Variants in MET observed in about 807,000 individuals in gnomAD.
MET encodes the protein hepatocyte growth factor receptor.
Under a neutral mutation model 133.1 loss-of-function variants are expected in MET, and 48 were observed. That is an observed-to-expected ratio of 0.36 (90% CI 0.29 to 0.46). The LOEUF is 0.46. MET is among the 20% of genes least tolerant of loss of function. The pLI is 1.00. For synonymous variants in MET, 628 were observed against 616.5 expected (o/e 1.02, Z -0.28); for missense variants, 1,442 against 1,695.9 (o/e 0.85, Z 2.63).
intron 2 of MET, among the ~76,000 whole-genome samples, chr7:116,712,230 G>A (rs1792028626): frequency 6.6e-6 from 1 of 152,072 alleles, no homozygotes; most frequent in Non-Finnish European, 1.5e-5. Flanking sequence ...AAACTTCCAT[G>A]CTGGCATTTT....
At chr7:116,781,960 A>T (rs2117059151) in intron 17 of MET, 28 bp from the exon 18 acceptor site, 1 of 1,389,890 alleles carries the variant, frequency 7.2e-7, no homozygotes, top group Non-Finnish European at 1.0e-6. Context: ...TGCTTAGTTT[A>T]TGCTTTTCTA....
intron 1 of MET, among the ~76,000 whole-genome samples, chr7:116,681,543 C>T (rs1796359098): frequency 6.6e-6 from 1 of 152,128 alleles, no homozygotes; most frequent in Non-Finnish European, 1.5e-5. Flanking sequence ...AAAGTTCATA[C>T]TAGCATGGAT....
At position 116,783,532 on chromosome 7, in the gene MET, T is replaced by C. The variant is rs1026280249; in HGVS notation, c.3798+63T>C. 8.3e-6 allele frequency: 13 copies of C among 1,566,686 alleles called. No homozygotes were observed. The East Asian group carries it at 2.7e-4, about 33-fold the overall frequency. On this transcript the variant is annotated intron_variant, in intron 19 of 20. Coordinates refer to ENST00000397752, the MANE Select transcript of MET (RefSeq NM_000245.4). ...CTTTCATATCCAACTTTTTTTGAAG[T>C]TTTATCACTACTTAATTTTTTAAAA... is the stretch of plus-strand genomic sequence containing the variant.
At chr7:116,716,314 A>AGAGAGAGAGG (rs1792198372) in intron 2 of MET, among the ~76,000 whole-genome samples, 1 of 141,080 alleles carries the variant, frequency 7.1e-6, no homozygotes, top group Non-Finnish European at 1.5e-5. Context: ...AGAGAGAGAG[A>AGAGAGAGAGG]GAGAGAGAGA....
In MET at chr7:116,700,120, T is replaced by C. The variant is rs1791514789; in HGVS notation, c.1036T>C (p.Phe346Leu). Residue 346 changes from phenylalanine to leucine, a missense_variant, in exon 2 of 21, where the codon TTC (phenylalanine) becomes CTC (leucine). Transcript: ENST00000397752. ...GAATGATGACATTCTTTTCGGGGTGTTCGCACAAAGCAAGCCAGATTCTGC... is the reference window on the plus strand; with the variant it reads ...GAATGATGACATTCTTTTCGGGGTGCTCGCACAAAGCAAGCCAGATTCTGC... ...SLNDDILFGV[F>L]AQSKPDSAEP... 6.2e-7 allele frequency: 1 copy of C among 1,607,302 alleles called. No homozygotes were observed. The highest frequency in any genetic ancestry group is 1.3e-5 in the African/African-American group (1 of 74,660).
At chr7:116,723,648 C>T (rs1264492986) in intron 2 of MET, among the ~76,000 whole-genome samples, 2 of 152,088 alleles carry the variant, frequency 1.3e-5, no homozygotes, top group Admixed American at 1.3e-4. Flanking sequence ...TGGTGATGTA[C>T]AGATGGGTTT....
chr7:116,736,455 C>T (rs1052679732), intron 3 of MET, among the ~76,000 whole-genome samples: 2 of 151,914 alleles, frequency 1.3e-5, no homozygotes, highest in Non-Finnish European at 2.9e-5. Flanking sequence ...TTGTATTCAT[C>T]ATTCTTAAAA....
intron 5 of MET, among the ~76,000 whole-genome samples, chr7:116,754,009 C>T (rs1794029262): frequency 6.6e-6 from 1 of 152,162 alleles, no homozygotes; most frequent in Admixed American, 6.5e-5. Context: ...GTGGCGCACA[C>T]CTGTAGTCCT....
rs760256871 is a variant in MET at position 116,740,042 on chromosome 7, A to C, written c.1485A>C (p.Thr495=). The C allele has an allele frequency of 6.2e-7, 1 of 1,614,176 alleles. No individual in the cohort carries two copies. Among genetic ancestry groups the C allele is most frequent in the Non-Finnish European group, 8.5e-7 (1 of 1,180,002 alleles). Residue 495 remains threonine, a synonymous_variant, in exon 4 of 21, where the codon ACA becomes ACC. Transcript: ENST00000397752. ...PVSPEVIVEH[T]LNQNGYTLVI... ...CTCCAGAAGTGATTGTGGAGCATAC[A>C]TTAAACCAAAATGGCTACACACTGG...
At chr7:116,687,391 TAA>T (rs1325608145) in intron 1 of MET, among the ~76,000 whole-genome samples, 1 of 152,246 alleles carries the variant, frequency 6.6e-6, no homozygotes, top group Non-Finnish European at 1.5e-5. Flanking sequence ...TCTATTCTTT[TAA>T]AAGTGTTTAA....
rs571014763 is a variant in MET at position 116,684,638 on chromosome 7, A to G, written c.-15+12061A>G. Among the ~76,000 whole-genome samples the G allele has an allele frequency of 9.8e-5, 15 of 152,330 alleles. No homozygotes were observed. In the East Asian group the frequency reaches 2.7e-3, roughly 27 times the overall value. ...AGGGCAAGAATATCCATAAAGAGGG[A>G]TCCACATGTGCTGAAACCCAGAGTG... On this transcript the variant is annotated intron_variant, in intron 1 of 20. Transcript: ENST00000397752.
intron 2 of MET, among the ~76,000 whole-genome samples, chr7:116,722,433 C>A (rs1285419473): frequency 2.0e-5 from 3 of 150,806 alleles, no homozygotes; most frequent in Admixed American, 6.6e-5. Flanking sequence ...GACTCTTTAT[C>A]CAATTTGCCA....
At chr7:116,779,611 G>T (rs760014990) in intron 17 of MET, among the ~76,000 whole-genome samples, 1 of 152,042 alleles carries the variant, frequency 6.6e-6, no homozygotes, top group East Asian at 1.9e-4. Context: ...GCATGAAGCT[G>T]CCTGAAGCTG....
At chr7:116,794,662 C>T (rs1364195847) in intron 19 of MET, among the ~76,000 whole-genome samples, 2 of 152,210 alleles carry the variant, frequency 1.3e-5, no homozygotes, top group Non-Finnish European at 2.9e-5. Context: ...TGTGGATTTT[C>T]CTTCTGCTCC....
chr7:116,740,610 G>A (rs1252957974), intron 4 of MET, among the ~76,000 whole-genome samples: 1 of 152,152 alleles, frequency 6.6e-6, no homozygotes, highest in Non-Finnish European at 1.5e-5. Context: ...ACATTGTGTG[G>A]CAATGCTATG....
intron 11 of MET, 141 bp from the exon 12 acceptor site, chr7:116,769,504 T>G: frequency 9.7e-7 from 1 of 1,030,938 alleles, no homozygotes; most frequent in East Asian, 2.5e-5. Flanking sequence ...CCAATTCCCA[T>G]GAAAATTAGT....
intron 1 of MET, among the ~76,000 whole-genome samples, chr7:116,686,404 C>A (rs533817358): frequency 2.0e-5 from 3 of 152,288 alleles, no homozygotes; most frequent in Non-Finnish European, 4.4e-5. Flanking sequence ...CAAACCTATC[C>A]CCATACCTCT....
At chr7:116,720,970 A>G (rs1394299674) in intron 2 of MET, among the ~76,000 whole-genome samples, 22 of 150,828 alleles carry the variant, frequency 1.5e-4, no homozygotes, top group Admixed American at 6.6e-4. Context: ...GTCTCTGCCC[A>G]GCTTTGGTAT....
At chr7:116,748,133 A>G (rs1793767149) in intron 5 of MET, among the ~76,000 whole-genome samples, 1 of 152,092 alleles carries the variant, frequency 6.6e-6, no homozygotes, top group South Asian at 2.1e-4. Flanking sequence ...AGTCCCAGCT[A>G]CTCGGGAGGC....
Sources: allele counts gnomAD v4.1 joint callset (sites outside exome capture counted in the v4.1 genomes callset), GRCh38; gene constraint gnomAD v4.1.1; transcripts MANE v1.5; gene names NCBI Gene and HGNC (gene_info 2026-07-23, HGNC 2026-07-21).